BCKDHB: variants seen among roughly 807,000 people sequenced by gnomAD.
The protein encoded by BCKDHB is 2-oxoisovalerate dehydrogenase subunit beta, mitochondrial.
BCKDHB carries 41 observed loss-of-function variants against 48.5 expected under a neutral mutation model. The ratio of observed to expected loss-of-function variants is 0.85; its 90% CI spans 0.66 to 1.10. The LOEUF (loss-of-function observed/expected upper bound fraction) is 1.10. Among genes scored for constraint, BCKDHB ranks in the 50% least tolerant of loss-of-function variants. The pLI is 0.00. For missense variants in BCKDHB, 496 were observed against 494.2 expected, an observed-to-expected ratio of 1.00 and a Z score of -0.03; for synonymous variants, 201 against 174.8, an observed-to-expected ratio of 1.15 and a Z score of -1.18.
At chr6:80,352,474 G>A in the BCKDHB span, among the ~76,000 whole-genome samples, 1 of 152,100 alleles carries the variant, frequency 6.6e-6, no homozygotes, top group Admixed American at 6.5e-5. Context: ...AGCCTGAAGT[G>A]TTCCATTCTT....
intron 6 of BCKDHB, among the ~76,000 whole-genome samples, chr6:80,199,413 T>G (rs1040798681): frequency 2.0e-5 from 3 of 152,112 alleles, no homozygotes; most frequent in Non-Finnish European, 4.4e-5. Flanking sequence ...AATAAAAAAG[T>G]CCATGGGGAA....
rs183451251 is a variant in BCKDHB at position 80,231,430 on chromosome 6, A to G, written c.951+28218A>G. Among the ~76,000 whole-genome samples the G allele has an allele frequency of 2.5e-3, 376 of 152,358 alleles. 2 individuals carry two copies. Among genetic ancestry groups the G allele is most frequent in the Middle Eastern group, 3.4e-3 (1 of 294 alleles). ...AAATAAAAATGGTATTCTGTGAAAA[A>G]TATTTGCAACACATATAACAGAAAA... On this transcript the variant is annotated intron_variant, in intron 8 of 9. Coordinates refer to ENST00000320393, the MANE Select transcript of BCKDHB (RefSeq NM_183050.4).
chr6:80,310,316 T>A lies in BCKDHB; in HGVS notation c.1039-33348T>A, dbSNP rs371897769. Among the ~76,000 whole-genome samples, 10 of 152,260 alleles carry A rather than the reference T, an allele frequency of 6.6e-5. No individual in the cohort carries two copies. In the East Asian group the frequency reaches 1.5e-3, roughly 24 times the overall value. On this transcript the variant is annotated intron_variant, in intron 9 of 9. Coordinates refer to ENST00000320393, the MANE Select transcript of BCKDHB (RefSeq NM_183050.4). ...TCCCCAGTGTGTCCATGTGTTCTCA[T>A]CATTTAGCTCCCACTTATAAGTGAG...
chr6:80,389,607 G>A, the BCKDHB span, among the ~76,000 whole-genome samples: 4 of 152,154 alleles, frequency 2.6e-5, no homozygotes, highest in African/African-American at 7.2e-5. Context: ...TTTGACCAAG[G>A]CACTCACTTT....
At chr6:80,447,328 T>C in the BCKDHB span, among the ~76,000 whole-genome samples, 1 of 152,084 alleles carries the variant, frequency 6.6e-6, no homozygotes, top group East Asian at 1.9e-4. Flanking sequence ...TTTTGTATTT[T>C]GCCTTTTTAA....
intron 3 of BCKDHB, among the ~76,000 whole-genome samples, chr6:80,164,288 C>T (rs1220296101): frequency 7.9e-6 from 1 of 126,292 alleles, no homozygotes; most frequent in Non-Finnish European, 1.8e-5. Context: ...CTTGCCCTTC[C>T]TCTGATATAT....
At chr6:80,302,349 A>G (rs1394285777) in intron 9 of BCKDHB, among the ~76,000 whole-genome samples, 2 of 152,318 alleles carry the variant, frequency 1.3e-5, no homozygotes, top group African/African-American at 4.8e-5. Context: ...ATTTCTATAT[A>G]CAGTAATGTC....
In BCKDHB at chr6:80,130,212, C is replaced by G. The variant is rs112390680; in HGVS notation, c.343+983C>G. Among the ~76,000 whole-genome samples, 55 of 152,200 alleles carry G rather than the reference C, an allele frequency of 3.6e-4. 1 individual carries two copies. Among genetic ancestry groups the G allele is most frequent in the African/African-American group, 1.2e-3 (49 of 41,544 alleles). On this transcript the variant is annotated intron_variant, in intron 3 of 9. Coordinates refer to ENST00000320393, the MANE Select transcript of BCKDHB (RefSeq NM_183050.4). Reference sequence around the variant, plus strand: ...ATGCTTTTGACATTTTATTTTTTGTCTTAGTCTTACCTGATTTAGAATTCA... The same window carrying G: ...ATGCTTTTGACATTTTATTTTTTGTGTTAGTCTTACCTGATTTAGAATTCA...
At chr6:80,178,798 A>G (rs1773282749) in intron 6 of BCKDHB, among the ~76,000 whole-genome samples, 1 of 152,216 alleles carries the variant, frequency 6.6e-6, no homozygotes, top group Non-Finnish European at 1.5e-5. Flanking sequence ...GACTTTTAAG[A>G]AACTTGCTCA....
At chr6:80,198,787 A>C (rs1449448935) in intron 6 of BCKDHB, among the ~76,000 whole-genome samples, 1 of 152,208 alleles carries the variant, frequency 6.6e-6, no homozygotes, top group Non-Finnish European at 1.5e-5. Context: ...ATATGGAATC[A>C]GTTCTTAGTT....
intron 1 of BCKDHB, 24 bp downstream of exon 1, chr6:80,106,913 G>A: frequency 6.3e-7 from 1 of 1,587,594 alleles, no homozygotes; most frequent in South Asian, 1.1e-5. Flanking sequence ...CTGCCCACTC[G>A]GTCCCGCTGC....
At chr6:80,245,133 G>A (rs1309909605) in intron 8 of BCKDHB, among the ~76,000 whole-genome samples, 1 of 151,710 alleles carries the variant, frequency 6.6e-6, no homozygotes, top group Non-Finnish European at 1.5e-5. Context: ...AAAGTACTTA[G>A]AACACTGTTT....
rs3840380 is a variant in BCKDHB at position 80,340,764 on chromosome 6, A to AT, written c.1039-2892dup. Among the ~76,000 whole-genome samples, 356 of 152,030 alleles carry AT rather than the reference A, an allele frequency of 2.3e-3. 2 individuals carry two copies. Among genetic ancestry groups the AT allele is most frequent in the Non-Finnish European group, 3.6e-3 (245 of 67,956 alleles). The stretch of plus-strand genomic sequence containing the variant: ...TACAAACTTGCCAGTGGGATTCGGT[A>AT]TTTTTTTTCTGTGTGTGTGTGTGTG... On this transcript the variant is annotated intron_variant, in intron 9 of 9. Coordinates refer to ENST00000320393, the MANE Select transcript of BCKDHB (RefSeq NM_183050.4).
At chr6:80,194,056 G>A (rs1450158101) in intron 6 of BCKDHB, among the ~76,000 whole-genome samples, 1 of 152,134 alleles carries the variant, frequency 6.6e-6, no homozygotes, top group Non-Finnish European at 1.5e-5. Flanking sequence ...TCACAAGGAA[G>A]TATCAATGTA....
chr6:80,423,357 A>G, the BCKDHB span, among the ~76,000 whole-genome samples: 10 of 152,238 alleles, frequency 6.6e-5, no homozygotes, highest in Non-Finnish European at 1.3e-4. Context: ...TAGCAGTGTG[A>G]AAACAGACTA....
chr6:80,416,082 G>C, the BCKDHB span, among the ~76,000 whole-genome samples: 1 of 151,704 alleles, frequency 6.6e-6, no homozygotes, highest in Admixed American at 6.6e-5. Flanking sequence ...GATATTCTCT[G>C]AGATGATTTG....
At chr6:80,138,548 G>A (rs111691964) in intron 3 of BCKDHB, among the ~76,000 whole-genome samples, 1 of 151,940 alleles carries the variant, frequency 6.6e-6, no homozygotes, top group East Asian at 1.9e-4. Context: ...GTGGTGTTTG[G>A]TTTTTTGTTC....
At chr6:80,393,210 T>G in the BCKDHB span, among the ~76,000 whole-genome samples, 1 of 152,186 alleles carries the variant, frequency 6.6e-6, no homozygotes, top group African/African-American at 2.4e-5. Context: ...TAGCTATCAC[T>G]AATTCATACC....
At chr6:80,301,791 T>A (rs562501227) in intron 9 of BCKDHB, among the ~76,000 whole-genome samples, 1 of 152,232 alleles carries the variant, frequency 6.6e-6, no homozygotes, top group South Asian at 2.1e-4. Flanking sequence ...AAAAAGTTAA[T>A]ACACTATGAT....
Sources: gnomAD v4.1 joint callset for allele counts (sites outside exome capture counted in the v4.1 genomes callset) on GRCh38, gnomAD v4.1.1 for gene constraint, MANE v1.5 for transcripts, NCBI Gene and HGNC (gene_info 2026-07-23, HGNC 2026-07-21) for gene names.